The following AARS1 variants were observed in gnomAD, a reference collection of about 807,000 sequenced individuals.
AARS1 encodes alanyl-tRNA synthetase 1, also known as alanine--tRNA ligase, cytoplasmic.
A neutral mutation model predicts 108.9 loss-of-function variants in AARS1; 72 were observed. The ratio of observed to expected loss-of-function variants is 0.66; its 90% CI spans 0.55 to 0.80. The LOEUF (loss-of-function observed/expected upper bound fraction) is 0.80, where lower values mean the gene tolerates loss of function less well. Ranked by LOEUF, AARS1 falls within the 30% of genes least tolerant of loss-of-function variation. The pLI is 0.00. For missense variants in AARS1, 1,193 were observed against 1,233.2 expected (o/e 0.97, Z 0.49); for synonymous variants, 489 against 465.7 (o/e 1.05, Z -0.64).
chr16:70,279,685 A>G (rs1960648009), intron 2 of AARS1, among the ~76,000 whole-genome samples: 1 of 151,440 alleles, frequency 6.6e-6, no homozygotes, highest in African/African-American at 2.4e-5. Flanking sequence ...AAAAAAAAAA[A>G]AAGAAAAGTT....
At chr16:70,286,472 C>A (rs1428600778) in intron 1 of AARS1, among the ~76,000 whole-genome samples, 1 of 151,696 alleles carries the variant, frequency 6.6e-6, no homozygotes, top group African/African-American at 2.4e-5. Flanking sequence ...GTGTTCCTCC[C>A]ACCTCAGCCT....
intron 17 of AARS1, 83 bp downstream of exon 17, chr16:70,254,538 G>T: frequency 2.0e-6 from 2 of 1,019,642 alleles, no homozygotes; most frequent in East Asian, 2.4e-5. Context: ...ACCAGGGCCT[G>T]ACTGACTACA....
intron 2 of AARS1, among the ~76,000 whole-genome samples, chr16:70,281,189 C>T (rs1280098590): frequency 1.3e-5 from 2 of 152,114 alleles, no homozygotes; most frequent in East Asian, 1.9e-4. Context: ...AAATTTTCTT[C>T]AGCAATGGAT....
At chr16:70,262,634 T>C in intron 11 of AARS1, 110 bp from the exon 12 acceptor site, 3 of 1,137,426 alleles carry the variant, frequency 2.6e-6, no homozygotes, top group Middle Eastern at 5.2e-4. Flanking sequence ...TAGCTCCTAA[T>C]TGTCCAATTG....
intron 5 of AARS1, among the ~76,000 whole-genome samples, chr16:70,270,871 GGGCATGGT>G (rs1196997112): frequency 1.6e-4 from 23 of 146,078 alleles, no homozygotes; most frequent in Non-Finnish European, 3.2e-4. Flanking sequence ...GAAAAAGACT[GGGCATGGT>G]GGCTCACGCC....
At chr16:70,268,151 G>T in intron 8 of AARS1, 120 bp downstream of exon 8, 1 of 942,682 alleles carries the variant, frequency 1.1e-6, no homozygotes, top group Non-Finnish European at 1.7e-6. Context: ...GTGGGTGACA[G>T]AGTGAGACTC....
chr16:70,268,115 C>G (rs1374408389), intron 8 of AARS1, among the ~76,000 whole-genome samples, 156 bp downstream of exon 8: 1 of 152,188 alleles, frequency 6.6e-6, no homozygotes, highest in African/African-American at 2.4e-5. Flanking sequence ...TTGCAGTGAG[C>G]CAAGATCACT....
At position 70,276,583 on chromosome 16, in the gene AARS1, T is replaced by G; in HGVS notation, c.382A>C (p.Ile128Leu). 1 of 1,614,156 alleles carries G rather than the reference T, an allele frequency of 6.2e-7. No individual in the cohort carries two copies. Among genetic ancestry groups the G allele is most frequent in the Non-Finnish European group, 8.5e-7 (1 of 1,180,022 alleles). ...ALELLTQEFG[I>L]PIERLYVTYF... ...GTAACATAAAGTCTTTCAATGGGAA[T>G]GCCAAACTCTTGGGTGAGGAGTTCC... Residue 128 changes from isoleucine (I) to leucine (L), a missense_variant, in exon 4 of 21, where the codon ATT (isoleucine) becomes CTT (leucine). By Grantham distance (5) the Ile-to-Leu change is conservative. Coordinates refer to ENST00000261772, the MANE Select transcript of AARS1 (RefSeq NM_001605.3).
intron 11 of AARS1, among the ~76,000 whole-genome samples, chr16:70,262,967 CAAAAAAAA>C (rs57444625): frequency 8.3e-4 from 17 of 20,588 alleles, no homozygotes; most frequent in Non-Finnish European, 1.5e-3. Flanking sequence ...GACTCGGTCT[CAAAAAAAA>C]AAAAAAAAAA....
intron 1 of AARS1, among the ~76,000 whole-genome samples, chr16:70,285,488 G>A (rs931156617): frequency 6.6e-5 from 10 of 151,376 alleles, no homozygotes; most frequent in African/African-American, 2.2e-4. Flanking sequence ...TCACTCTGTC[G>A]CCCAGGCTGG....
Position 70,252,592 on chromosome 16 carries a change from CAAGTGTGTTCCAGTTACTGCT to C in AARS1, c.*108_*128del. 1 of 1,048,284 alleles carries C rather than the reference CAAGTGTGTTCCAGTTACTGCT, an allele frequency of 9.5e-7. No individual in the cohort carries two copies. The highest frequency in any genetic ancestry group is 1.4e-6 in the Non-Finnish European group (1 of 693,358). 64.9% of individuals were successfully genotyped at this position (1,048,284 alleles called of 1,614,324 possible). On this transcript the variant is annotated 3_prime_UTR_variant, in exon 21 of 21. Transcript: ENST00000261772. Reference sequence around the variant, plus strand: ...GGGCACTGAGACATAGGACTGCTCCCAAGTGTGTTCCAGTTACTGCTGGGTTAGGAGGGGCTCTTTAAAGGT... The same window carrying C: ...GGGCACTGAGACATAGGACTGCTCCCGGGTTAGGAGGGGCTCTTTAAAGGT...
At chr16:70,276,927 T>C (rs1326747751) in intron 3 of AARS1, 39 bp downstream of exon 3, 9 of 1,610,242 alleles carry the variant, frequency 5.6e-6, no homozygotes, top group Non-Finnish European at 6.8e-6. Flanking sequence ...AAAGACCATT[T>C]TCCTCAAAAC....
chr16:70,273,975 T>C (rs774274457), intron 4 of AARS1, among the ~76,000 whole-genome samples: 59 of 150,134 alleles, frequency 3.9e-4, no homozygotes, highest in Admixed American at 7.3e-4. Flanking sequence ...CAGTAAACTA[T>C]GATTATGCCA....
intron 13 of AARS1, among the ~76,000 whole-genome samples, chr16:70,260,055 A>G (rs1021363211): frequency 3.3e-5 from 5 of 152,230 alleles, no homozygotes; most frequent in African/African-American, 1.2e-4. Context: ...TACAGGCATG[A>G]GCCACTGTGC....
At position 70,272,555 on chromosome 16, in the gene AARS1, CAT is replaced by C. The variant is rs1212672268; in HGVS notation, c.480-585_480-584del. Among the ~76,000 whole-genome samples the C allele has an allele frequency of 5.4e-5, 7 of 128,612 alleles. No individual in the cohort carries two copies. The East Asian group carries it at 1.6e-3, about 29-fold the overall frequency. The allele number at this position is 128,612 out of a possible 152,430, so 84.4% of individuals were successfully genotyped here. ...AAAAAAACCCGCTAAAGAAACAGCACATGACTCTTCTCAAGAGTGCCTACAAT... is the reference window on the plus strand; with the variant it reads ...AAAAAAACCCGCTAAAGAAACAGCACGACTCTTCTCAAGAGTGCCTACAAT... On this transcript the variant is annotated intron_variant, in intron 4 of 20. Coordinates refer to ENST00000261772, the MANE Select transcript of AARS1 (RefSeq NM_001605.3).
chr16:70,273,837 T>C (rs548123789), intron 4 of AARS1, among the ~76,000 whole-genome samples: 1 of 117,426 alleles, frequency 8.5e-6, no homozygotes, highest in East Asian at 2.6e-4. Flanking sequence ...CACTCCAGCA[T>C]GGGCGACAGA....
chr16:70,282,512 C>T, intron 2 of AARS1, 108 bp downstream of exon 2: 2 of 1,363,406 alleles, frequency 1.5e-6, no homozygotes, highest in Non-Finnish European at 2.1e-6. Context: ...CAAGATCACA[C>T]AGGGAGTGAC....
At position 70,253,372 on chromosome 16, in the gene AARS1, C is replaced by A; in HGVS notation, c.2617G>T (p.Glu873Ter). ...ESGASAKALN[E>*]ALKLFKMHSP... ...TGCATCTTGAAGAGCTTCAAGGCTT[C>A]ATTCAGGGCCTGTGGGGAGGACCTG... The change falls in exon 20 of 21, where the codon GAA becomes TAA. Residue 873 changes from glutamate (E) to a stop codon, truncating the protein, a stop_gained. Coordinates refer to ENST00000261772, the MANE Select transcript of AARS1 (RefSeq NM_001605.3). LOFTEE classifies it high-confidence loss of function. 6.2e-7 allele frequency: 1 copy of A among 1,613,630 alleles called. No individual in the cohort carries two copies. Among genetic ancestry groups the A allele is most frequent in the Non-Finnish European group, 8.5e-7 (1 of 1,179,588 alleles).
chr16:70,257,964 G>C (rs1960029655), intron 15 of AARS1, 69 bp downstream of exon 15: 1 of 1,570,124 alleles, frequency 6.4e-7, no homozygotes, highest in Non-Finnish European at 8.8e-7. Flanking sequence ...AGTTGGTCCA[G>C]CCTAAGACCT....
Sources: allele counts gnomAD v4.1 joint callset (sites outside exome capture counted in the v4.1 genomes callset), GRCh38; gene constraint gnomAD v4.1.1; transcripts MANE v1.5; gene names NCBI Gene and HGNC (gene_info 2026-07-23, HGNC 2026-07-21).